SDCBP: variants seen among roughly 807,000 people sequenced by gnomAD.
SDCBP encodes the protein syndecan binding protein, also known as syntenin-1.
Under a neutral mutation model 30.5 loss-of-function variants are expected in SDCBP, and 22 were observed. The observed-to-expected ratio is 0.72, with a 90% CI of 0.52 to 1.03. SDCBP has a LOEUF of 1.03. Among genes scored for constraint, SDCBP ranks in the 50% least tolerant of loss-of-function variants. The pLI is 0.00. For missense variants in SDCBP, 304 were observed against 369.9 expected (o/e 0.82, Z 1.46); for synonymous variants, 103 against 118.7 (o/e 0.87, Z 0.86).
intron 1 of SDCBP, among the ~76,000 whole-genome samples, chr8:58,556,407 TG>T (rs1223649725): frequency 1.3e-5 from 2 of 152,154 alleles, no homozygotes; most frequent in Admixed American, 6.5e-5. Flanking sequence ...TGGTTCCCAA[TG>T]GGCCACCGAC....
At chr8:58,571,994 T>G (rs1324826866) in intron 3 of SDCBP, among the ~76,000 whole-genome samples, 7 of 152,246 alleles carry the variant, frequency 4.6e-5, no homozygotes, top group African/African-American at 1.7e-4. Context: ...TTCAGATGTC[T>G]TCATATTTTA....
chr8:58,561,097 T>C (rs549958284), intron 1 of SDCBP: 1 of 152,300 alleles, frequency 6.6e-6, no homozygotes, highest in African/African-American at 2.4e-5. Context: ...TTGAAAGATT[T>C]ACTAGAGGAG....
chr8:58,580,718 G>C (rs1805644067), intron 8 of SDCBP, 110 bp downstream of exon 8: 3 of 644,594 alleles, frequency 4.7e-6, no homozygotes, highest in Middle Eastern at 2.4e-4. Flanking sequence ...GGATACTGGT[G>C]TTTTATCTAG....
chr8:58,579,622 G>C lies in SDCBP; in HGVS notation c.579-1G>C, dbSNP rs761053452. 1.3e-5 allele frequency: 20 copies of C among 1,538,390 alleles called. No individual in the cohort carries two copies. In the Admixed American group the frequency reaches 2.4e-4, roughly 19 times the overall value. ...TTTAATTGAACCAATTATGTTTGTA[G>C]GCCCTTTGAACGGACGATTACCATG... On this transcript the variant is annotated splice_acceptor_variant, in intron 6 of 8. Coordinates refer to ENST00000260130, the MANE Select transcript of SDCBP (RefSeq NM_005625.4). LOFTEE classifies it high-confidence loss of function.
chr8:58,562,208 A>G (rs543739449), intron 1 of SDCBP, among the ~76,000 whole-genome samples: 1 of 152,244 alleles, frequency 6.6e-6, no homozygotes, highest in East Asian at 1.9e-4. Context: ...TAAATGTACT[A>G]AACTCTCCAA....
At chr8:58,569,067 G>A (rs949410289) in intron 2 of SDCBP, among the ~76,000 whole-genome samples, 1 of 152,022 alleles carries the variant, frequency 6.6e-6, no homozygotes, top group Non-Finnish European at 1.5e-5. Flanking sequence ...CCCCAAAACG[G>A]AGTCTGGCTC....
intron 1 of SDCBP, among the ~76,000 whole-genome samples, chr8:58,558,014 C>T (rs1804243238): frequency 6.6e-6 from 1 of 152,068 alleles, no homozygotes; most frequent in South Asian, 2.1e-4. Context: ...CCAGAGTTAG[C>T]TTTGTGGTTC....
At chr8:58,554,043 A>G (rs1027540537) in intron 1 of SDCBP, among the ~76,000 whole-genome samples, 6 of 152,192 alleles carry the variant, frequency 3.9e-5, no homozygotes, top group African/African-American at 1.4e-4. Flanking sequence ...ATGGATGTGG[A>G]AAGTTTTCAC....
At chr8:58,580,682 C>G (rs553659318) in intron 8 of SDCBP, 74 bp downstream of exon 8, 3 of 813,132 alleles carry the variant, frequency 3.7e-6, no homozygotes, top group Non-Finnish European at 4.1e-6. Context: ...TAATTCTCAG[C>G]CCTTTGGTTC....
chr8:58,581,133 C>CT (rs1298190229), intron 8 of SDCBP, among the ~76,000 whole-genome samples: 1 of 151,346 alleles, frequency 6.6e-6, no homozygotes, highest in Non-Finnish European at 1.5e-5. Flanking sequence ...TTCTATAGAG[C>CT]TTTTCATATC....
At chr8:58,577,449 C>T (rs78451107) in intron 5 of SDCBP, among the ~76,000 whole-genome samples, 2,089 of 152,190 alleles carry the variant, frequency 0.014, 56 homozygotes, top group African/African-American at 0.049. Context: ...CTTTATAAGC[C>T]TGTGCATGTG....
chr8:58,555,342 G>A (rs1338019978), intron 1 of SDCBP, among the ~76,000 whole-genome samples: 1 of 152,118 alleles, frequency 6.6e-6, no homozygotes, highest in Non-Finnish European at 1.5e-5. Flanking sequence ...ACTAGTTTAC[G>A]CTCCCATTAG....
At chr8:58,564,541 G>A (rs1272166837) in intron 1 of SDCBP, among the ~76,000 whole-genome samples, 4 of 152,122 alleles carry the variant, frequency 2.6e-5, no homozygotes, top group African/African-American at 4.8e-5. Flanking sequence ...ACATATATGT[G>A]TGTATATATT....
At chr8:58,566,998 C>T (rs1804736318) in intron 2 of SDCBP, among the ~76,000 whole-genome samples, 1 of 152,094 alleles carries the variant, frequency 6.6e-6, no homozygotes, top group Non-Finnish European at 1.5e-5. Flanking sequence ...TATACAGAAC[C>T]AGAGCTTATC....
intron 7 of SDCBP, 73 bp from the exon 8 acceptor site, chr8:58,580,444 C>A: frequency 1.3e-6 from 1 of 762,860 alleles, no homozygotes; most frequent in South Asian, 1.5e-5. Flanking sequence ...ATTTCTTTAC[C>A]AAGACTGGCA....
chr8:58,555,093 T>C (rs1327575398), intron 1 of SDCBP, among the ~76,000 whole-genome samples: 1 of 152,200 alleles, frequency 6.6e-6, no homozygotes, highest in Non-Finnish European at 1.5e-5. Context: ...TTTGCTCTTA[T>C]TTTTCCAGTT....
chr8:58,570,549 A>G (rs1804958042), intron 2 of SDCBP, among the ~76,000 whole-genome samples: 1 of 152,170 alleles, frequency 6.6e-6, no homozygotes, highest in Admixed American at 6.5e-5. Flanking sequence ...AATTAGTAAA[A>G]GAATAATGAA....
chr8:58,573,584 G>T (rs749567570), intron 4 of SDCBP, among the ~76,000 whole-genome samples: 1 of 152,128 alleles, frequency 6.6e-6, no homozygotes, highest in Non-Finnish European at 1.5e-5. Context: ...GCCTCTGAGG[G>T]GTTGTAATGA....
At chr8:58,572,404 T>C (rs1034663606) in intron 4 of SDCBP, 90 bp downstream of exon 4, 46 of 826,470 alleles carry the variant, frequency 5.6e-5, no homozygotes, top group Admixed American at 3.9e-5. Flanking sequence ...CTCACAGATA[T>C]ACTACTAGCA....
Sources: allele counts gnomAD v4.1 joint callset (sites outside exome capture counted in the v4.1 genomes callset), GRCh38; gene constraint gnomAD v4.1.1; transcripts MANE v1.5; gene names NCBI Gene and HGNC (gene_info 2026-07-23, HGNC 2026-07-21).